The following CLDN10 variants were observed in gnomAD, a reference collection of about 807,000 sequenced individuals.
CLDN10 encodes the protein claudin-10.
A neutral mutation model predicts 22.9 loss-of-function variants in CLDN10; 15 were observed. The observed-to-expected ratio is 0.65, with a 90% CI of 0.44 to 1.01. The LOEUF is 1.01. CLDN10 is among the 50% of genes least tolerant of loss of function. The pLI is 0.00. For missense variants in CLDN10, 247 were observed against 287.8 expected, an observed-to-expected ratio of 0.86 and a Z score of 1.03; for synonymous variants, 114 against 111.4, an observed-to-expected ratio of 1.02 and a Z score of -0.15.
chr13:95,453,151 A>T (rs1263702876), intron 1 of CLDN10, among the ~76,000 whole-genome samples: 11 of 152,212 alleles, frequency 7.2e-5, no homozygotes, highest in African/African-American at 2.7e-4. Flanking sequence ...AACAAATGCT[A>T]TTATCTTTAC....
intron 1 of CLDN10, among the ~76,000 whole-genome samples, chr13:95,471,194 G>C (rs1047154653): frequency 1.3e-5 from 2 of 151,980 alleles, no homozygotes; most frequent in Non-Finnish European, 2.9e-5. Flanking sequence ...CCAGAACAAC[G>C]GGAGTTCAGG....
intron 1 of CLDN10, among the ~76,000 whole-genome samples, chr13:95,556,132 A>G (rs1261353242): frequency 2.7e-5 from 4 of 150,278 alleles, no homozygotes; most frequent in Admixed American, 6.6e-5. Context: ...TGCAACTTCC[A>G]CCTCCCGGGT....
At chr13:95,572,348 G>A (rs1170797878) in intron 3 of CLDN10, among the ~76,000 whole-genome samples, 1 of 152,168 alleles carries the variant, frequency 6.6e-6, no homozygotes, top group African/African-American at 2.4e-5. Context: ...TGACAATTAA[G>A]AGCTTCGGTT....
At chr13:95,577,855 C>T in intron 4 of CLDN10, 45 bp from the exon 5 acceptor site, 1 of 1,290,468 alleles carries the variant, frequency 7.7e-7, no homozygotes, top group Non-Finnish European at 1.1e-6. Flanking sequence ...TTTTGTTTGC[C>T]CTATGTGTAG....
chr13:95,557,157 A>C (rs565182486), intron 1 of CLDN10, among the ~76,000 whole-genome samples: 1 of 152,360 alleles, frequency 6.6e-6, no homozygotes, highest in South Asian at 2.1e-4. Flanking sequence ...TATAAATTAT[A>C]CTTCAGAGAA....
At chr13:95,509,035 G>A (rs929939087) in intron 1 of CLDN10, among the ~76,000 whole-genome samples, 1 of 152,160 alleles carries the variant, frequency 6.6e-6, no homozygotes, top group Non-Finnish European at 1.5e-5. Context: ...GGATGGTGAG[G>A]CTGAAGATGT....
intron 1 of CLDN10, among the ~76,000 whole-genome samples, chr13:95,526,516 G>T (rs976376549): frequency 6.6e-6 from 1 of 152,174 alleles, no homozygotes; most frequent in African/African-American, 2.4e-5. Context: ...TCAGTCTCTT[G>T]TATACGGAGT....
chr13:95,513,435 G>A (rs958117738), intron 1 of CLDN10, among the ~76,000 whole-genome samples: 30 of 152,054 alleles, frequency 2.0e-4, no homozygotes, highest in Non-Finnish European at 2.4e-4. Context: ...CACTAGAGGG[G>A]TTTAAACTAT....
upstream of CLDN10, among the ~76,000 whole-genome samples, chr13:95,551,779 G>A (rs553807599): frequency 6.6e-6 from 1 of 152,280 alleles, no homozygotes; most frequent in Non-Finnish European, 1.5e-5. Context: ...GTGGCCTCAG[G>A]AGCCAGAAGT....
At chr13:95,452,900 T>C (rs903749515) in intron 1 of CLDN10, among the ~76,000 whole-genome samples, 2 of 152,242 alleles carry the variant, frequency 1.3e-5, no homozygotes, top group African/African-American at 2.4e-5. Flanking sequence ...CAGGACTTTC[T>C]GTTACTTCCT....
chr13:95,575,814 G>T (rs2043917283), intron 3 of CLDN10, among the ~76,000 whole-genome samples: 1 of 152,202 alleles, frequency 6.6e-6, no homozygotes, highest in South Asian at 2.1e-4. Flanking sequence ...TAAAGAAAGG[G>T]TCACAGAGCA....
chr13:95,443,130 G>C lies in CLDN10; in HGVS notation c.214+9083G>C, dbSNP rs141029836. On this transcript the variant is annotated intron_variant, in intron 1 of 4. Transcript: ENST00000376873. ...GGGGACCATATTTCTAACTTCCTAT[G>C]GGCTTCTGCAAATCTTTTTGGGGAA... Among the ~76,000 whole-genome samples the C allele has an allele frequency of 1.0e-2, 1,519 of 152,268 alleles. 26 individuals are homozygous for C. Among genetic ancestry groups the C allele is most frequent in the African/African-American group, 0.035 (1,452 of 41,540 alleles).
chr13:95,512,120 C>CTTTT (rs2043108766), intron 1 of CLDN10, among the ~76,000 whole-genome samples: 2 of 14,974 alleles, frequency 1.3e-4, no homozygotes, highest in African/African-American at 2.6e-4. Context: ...GATCGTCTCT[C>CTTTT]CTTTTTTTTT....
At chr13:95,434,002 G>A (rs779656350) in exon 1 of CLDN10, 1 of 1,614,190 alleles carries the variant, frequency 6.2e-7, no homozygotes, top group East Asian at 2.2e-5. Context: ...TAACGCGTTG[G>A]GTTCTTTCCA....
intron 1 of CLDN10, among the ~76,000 whole-genome samples, chr13:95,444,672 C>G (rs570976957): frequency 6.6e-6 from 1 of 152,226 alleles, no homozygotes. Flanking sequence ...GGCTAAGGGA[C>G]TCATCCAACC....
At chr13:95,506,055 A>G (rs893471328) in intron 1 of CLDN10, among the ~76,000 whole-genome samples, 1 of 152,164 alleles carries the variant, frequency 6.6e-6, no homozygotes, top group Admixed American at 6.5e-5. Flanking sequence ...CTGTCTTCAA[A>G]GGAGAACTAA....
intron 1 of CLDN10, among the ~76,000 whole-genome samples, chr13:95,540,145 CA>C (rs201550884): frequency 0.07 from 10,645 of 152,012 alleles, 549 homozygotes; most frequent in East Asian, 0.22. Flanking sequence ...ACTAAAAATA[CA>C]AAAATTAGCC....
intron 1 of CLDN10, among the ~76,000 whole-genome samples, chr13:95,451,686 T>G (rs1435535836): frequency 1.3e-5 from 2 of 152,240 alleles, no homozygotes; most frequent in African/African-American, 4.8e-5. Context: ...ATAAGCCTTA[T>G]GAAGACAGGG....
At chr13:95,522,530 G>C (rs767630714) in intron 1 of CLDN10, among the ~76,000 whole-genome samples, 1 of 151,998 alleles carries the variant, frequency 6.6e-6, no homozygotes, top group Non-Finnish European at 1.5e-5. Flanking sequence ...CAAAGTAAAT[G>C]TTCCATGGAT....
Sources: allele counts gnomAD v4.1 joint callset (sites outside exome capture counted in the v4.1 genomes callset), GRCh38; gene constraint gnomAD v4.1.1; transcripts MANE v1.5; gene names NCBI Gene and HGNC (gene_info 2026-07-23, HGNC 2026-07-21).